The following SCHIP1 variants were observed in gnomAD, a reference collection of about 807,000 sequenced individuals.
SCHIP1 encodes schwannomin interacting protein 1, also known as schwannomin-interacting protein 1.
In SCHIP1, 8 loss-of-function variants were observed where a neutral mutation model predicts 29.7. The observed-to-expected ratio is 0.27, with a 90% CI of 0.16 to 0.49. The LOEUF (loss-of-function observed/expected upper bound fraction) is 0.49, where lower values mean the gene tolerates loss of function less well. Ranked by LOEUF, SCHIP1 falls within the 20% of genes least tolerant of loss-of-function variation. The pLI, the probability that SCHIP1 is intolerant of heterozygous loss-of-function variation, is 0.99. For synonymous variants in SCHIP1, 76 were observed against 94.9 expected (o/e 0.80, Z 1.16); for missense variants, 193 against 294.6 (o/e 0.66, Z 2.52).
chr3:159,537,799 A>G, the SCHIP1 span, among the ~76,000 whole-genome samples: 9 of 152,318 alleles, frequency 5.9e-5, no homozygotes, highest in African/African-American at 1.7e-4. Context: ...TGGCATTTTC[A>G]AGGGGCTTGG....
chr3:159,520,094 A>G, the SCHIP1 span, among the ~76,000 whole-genome samples: 7 of 147,214 alleles, frequency 4.8e-5, no homozygotes, highest in African/African-American at 1.8e-4. Context: ...TCCCTCATCA[A>G]ATAAAAAAAA....
At chr3:159,331,712 T>C in the SCHIP1 span, among the ~76,000 whole-genome samples, 2 of 152,174 alleles carry the variant, frequency 1.3e-5, no homozygotes, top group Non-Finnish European at 2.9e-5. Flanking sequence ...GGAAATCCAG[T>C]ATTTTCCCCA....
At chr3:159,636,796 T>C in the SCHIP1 span, among the ~76,000 whole-genome samples, 1 of 152,234 alleles carries the variant, frequency 6.6e-6, no homozygotes, top group Non-Finnish European at 1.5e-5. Context: ...TCTAGTATAT[T>C]AAAGTAATAA....
the SCHIP1 span, among the ~76,000 whole-genome samples, chr3:159,347,782 G>T: frequency 6.6e-6 from 1 of 151,836 alleles, no homozygotes; most frequent in Non-Finnish European, 1.5e-5. Flanking sequence ...TCCTTTTTTT[G>T]TCCAGATTCA....
At chr3:159,301,644 T>C in the SCHIP1 span, among the ~76,000 whole-genome samples, 2 of 152,126 alleles carry the variant, frequency 1.3e-5, no homozygotes, top group Admixed American at 6.6e-5. Flanking sequence ...GTGAGTGGGT[T>C]CTCATGAGAT....
the SCHIP1 span, among the ~76,000 whole-genome samples, chr3:159,530,643 C>T: frequency 1.3e-5 from 2 of 152,160 alleles, no homozygotes; most frequent in Non-Finnish European, 2.9e-5. Context: ...ACCCTGTGTC[C>T]TTGGAGTGCT....
chr3:159,507,638 C>T, the SCHIP1 span, among the ~76,000 whole-genome samples: 2 of 152,076 alleles, frequency 1.3e-5, no homozygotes, highest in Non-Finnish European at 2.9e-5. Flanking sequence ...TGAGATACAT[C>T]CCATCAATAC....
the SCHIP1 span, among the ~76,000 whole-genome samples, chr3:159,734,368 C>T: frequency 6.6e-6 from 1 of 152,020 alleles, no homozygotes; most frequent in African/African-American, 2.4e-5. Flanking sequence ...TCTCGAACTC[C>T]TGTCCTCATG....
At chr3:159,385,604 A>C in the SCHIP1 span, among the ~76,000 whole-genome samples, 5 of 147,606 alleles carry the variant, frequency 3.4e-5, no homozygotes, top group East Asian at 1.9e-4. Context: ...AAAAAAAAAA[A>C]CCCAGAAATA....
the SCHIP1 span, among the ~76,000 whole-genome samples, chr3:159,380,221 G>A: frequency 1.2e-4 from 18 of 152,300 alleles, no homozygotes; most frequent in East Asian, 3.5e-3. Flanking sequence ...CCAAGAAGGT[G>A]ATTGACAGCA....
the SCHIP1 span, among the ~76,000 whole-genome samples, chr3:159,749,563 G>C: frequency 6.6e-6 from 1 of 152,038 alleles, no homozygotes; most frequent in Non-Finnish European, 1.5e-5. Flanking sequence ...TAGGTTGCTG[G>C]GCATTGTGTG....
chr3:159,398,553 A>T, the SCHIP1 span, among the ~76,000 whole-genome samples: 1 of 152,200 alleles, frequency 6.6e-6, no homozygotes, highest in Admixed American at 6.5e-5. Context: ...GTAAGACTGG[A>T]TTCCGGGGGA....
At chr3:159,440,826 G>A in the SCHIP1 span, among the ~76,000 whole-genome samples, 1 of 151,998 alleles carries the variant, frequency 6.6e-6, no homozygotes, top group East Asian at 1.9e-4. Context: ...ACTCAGAGCG[G>A]GTTATTATCC....
At chr3:159,854,061 T>A (rs62270402) in intron 1 of SCHIP1, among the ~76,000 whole-genome samples, 7,441 of 152,306 alleles carry the variant, frequency 0.049, 210 homozygotes, top group Non-Finnish European at 0.069. Context: ...AGTATATGCT[T>A]ATCTGTCCAC....
At chr3:159,820,114 T>C in the SCHIP1 span, among the ~76,000 whole-genome samples, 1 of 152,168 alleles carries the variant, frequency 6.6e-6, no homozygotes, top group East Asian at 1.9e-4. Context: ...CTCACACACC[T>C]GGCAACCAGG....
the SCHIP1 span, among the ~76,000 whole-genome samples, chr3:159,669,111 GT>G: frequency 6.6e-6 from 1 of 152,164 alleles, no homozygotes; most frequent in Non-Finnish European, 1.5e-5. Flanking sequence ...CCCGGGTCAA[GT>G]TACTCAACTT....
chr3:159,494,316 C>G, the SCHIP1 span, among the ~76,000 whole-genome samples: 1 of 152,116 alleles, frequency 6.6e-6, no homozygotes, highest in African/African-American at 2.4e-5. Flanking sequence ...AATCCAGGAG[C>G]TGGTTTTTTG....
At chr3:159,397,352 C>T in the SCHIP1 span, among the ~76,000 whole-genome samples, 32 of 150,572 alleles carry the variant, frequency 2.1e-4, no homozygotes, top group East Asian at 1.9e-4. Flanking sequence ...AGCTTTGTTC[C>T]GTTGCTGGTG....
chr3:159,476,857 T>C, the SCHIP1 span, among the ~76,000 whole-genome samples: 3 of 152,160 alleles, frequency 2.0e-5, no homozygotes, highest in South Asian at 6.2e-4. Context: ...TATATTTTTA[T>C]TGATTATTGT....
Sources: gnomAD v4.1 joint callset for allele counts (sites outside exome capture counted in the v4.1 genomes callset) on GRCh38, gnomAD v4.1.1 for gene constraint, MANE v1.5 for transcripts, NCBI Gene and HGNC (gene_info 2026-07-23, HGNC 2026-07-21) for gene names.